SMC1B: variants seen among roughly 807,000 people sequenced by gnomAD.
SMC1B encodes structural maintenance of chromosomes protein 1B.
Under a neutral mutation model 157.9 loss-of-function variants are expected in SMC1B, and 60 were observed. The observed-to-expected ratio is 0.38, with a 90% CI of 0.31 to 0.47. The LOEUF is 0.47. Ranked by LOEUF, SMC1B falls within the 20% of genes least tolerant of loss-of-function variation. The pLI is 0.99. For missense variants in SMC1B, 1,165 were observed against 1,426.2 expected (o/e 0.82, Z 2.95); for synonymous variants, 445 against 483.0 (o/e 0.92, Z 1.03).
At chr22:45,396,875 GA>G (rs1433087325) in intron 6 of SMC1B, among the ~76,000 whole-genome samples, 1 of 152,004 alleles carries the variant, frequency 6.6e-6, no homozygotes, top group African/African-American at 2.4e-5. Context: ...GAGGAGACAT[GA>G]TCACTTAATT....
intron 12 of SMC1B, among the ~76,000 whole-genome samples, chr22:45,377,700 T>C (rs550831142): frequency 1.3e-4 from 20 of 152,202 alleles, no homozygotes; most frequent in African/African-American, 4.8e-4. Context: ...ATTTCTTTTA[T>C]TTTTGTTTAT....
At chr22:45,397,717 T>C (rs913657952) in intron 6 of SMC1B, among the ~76,000 whole-genome samples, 2 of 152,156 alleles carry the variant, frequency 1.3e-5, no homozygotes, top group Non-Finnish European at 2.9e-5. Flanking sequence ...TTTTTTTGCA[T>C]ACTCACAAAC....
intron 19 of SMC1B, among the ~76,000 whole-genome samples, chr22:45,357,132 CA>C (rs2086678051): frequency 6.6e-6 from 1 of 152,232 alleles, no homozygotes; most frequent in African/African-American, 2.4e-5. Context: ...CCTCTTGGTA[CA>C]ATGAATTGGG....
chr22:45,413,319 G>T, intron 1 of SMC1B, 140 bp downstream of exon 1: 1 of 635,726 alleles, frequency 1.6e-6, no homozygotes, highest in Non-Finnish European at 2.7e-6. Context: ...GCCGGGATCC[G>T]GTCGCGGTCA....
In SMC1B at chr22:45,413,522, G is replaced by A; in HGVS notation, c.46C>T (p.Arg16Trp). Reference sequence around the variant, plus strand: ...AAGGGGCCAATGACCTGGCGGCCCCGCCACGACTTGAAATTTTCCACAAGC... The same window carrying A: ...AAGGGGCCAATGACCTGGCGGCCCCACCACGACTTGAAATTTTCCACAAGC... The part of the protein sequence containing the change: ...LLLVENFKSW[R>W]GRQVIGPFRR... Residue 16 changes from arginine (R) to tryptophan (W), a missense_variant, in exon 1 of 25, where the codon CGG becomes TGG. Transcript: ENST00000357450. 6.2e-7 allele frequency: 1 copy of A among 1,612,148 alleles called. No individual in the cohort carries two copies. Among genetic ancestry groups the A allele is most frequent in the Non-Finnish European group, 8.5e-7 (1 of 1,179,152 alleles).
chr22:45,407,677 G>A (rs922855760), intron 2 of SMC1B, among the ~76,000 whole-genome samples: 6 of 152,066 alleles, frequency 3.9e-5, no homozygotes, highest in Admixed American at 6.6e-5. Flanking sequence ...TCAAACTCCC[G>A]AGTTCAAGCA....
chr22:45,360,167 C>A (rs2086707781), intron 17 of SMC1B, among the ~76,000 whole-genome samples: 1 of 152,174 alleles, frequency 6.6e-6, no homozygotes, highest in Non-Finnish European at 1.5e-5. Context: ...TCTAAGGGAG[C>A]ATTTTCCACT....
At chr22:45,399,380 A>G in intron 5 of SMC1B, 27 bp from the exon 6 acceptor site, 1 of 1,564,716 alleles carries the variant, frequency 6.4e-7, no homozygotes, top group South Asian at 1.2e-5. Context: ...GTTTGCTTTA[A>G]AGAAAATTTC....
At chr22:45,351,421 T>A (rs2086614136) in intron 22 of SMC1B, among the ~76,000 whole-genome samples, 1 of 152,250 alleles carries the variant, frequency 6.6e-6, no homozygotes, top group African/African-American at 2.4e-5. Context: ...TGGTTTTCTC[T>A]TTTCTTTTCC....
intron 12 of SMC1B, 137 bp downstream of exon 12, chr22:45,383,323 ATTTTTAT>A (rs1217138454): frequency 2.7e-5 from 15 of 554,310 alleles, no homozygotes; most frequent in Non-Finnish European, 3.7e-5. Context: ...TAAGGGAAAG[ATTTTTAT>A]TTTTTATTTT....
At position 45,376,173 on chromosome 22, in the gene SMC1B, C is replaced by A. The variant is rs550671390; in HGVS notation, c.2059-3881G>T. 2.6e-5 allele frequency among the ~76,000 whole-genome samples: 4 copies of A among 152,298 alleles called. No homozygotes were observed. In the South Asian group the frequency reaches 8.3e-4, roughly 32 times the overall value. On this transcript the variant is annotated intron_variant, in intron 12 of 24. Transcript: ENST00000357450. ...CATTGTGTGCAAGCAATCTCCAGAT[C>A]TCTTCATCTTCCAAAACTGAAACTC...
At chr22:45,367,382 C>T (rs1182468698) in intron 15 of SMC1B, among the ~76,000 whole-genome samples, 5 of 152,140 alleles carry the variant, frequency 3.3e-5, no homozygotes, top group African/African-American at 7.2e-5. Context: ...AACTTTGGAG[C>T]GTTGCCTATC....
chr22:45,344,757 T>A, intron 24 of SMC1B, 100 bp from the exon 25 acceptor site: 1 of 748,020 alleles, frequency 1.3e-6, no homozygotes, highest in Middle Eastern at 2.7e-4. Context: ...TCAAAAGGAA[T>A]CTTCTTCAAC....
Position 45,413,527 on chromosome 22 carries a change from G to A in SMC1B, c.41C>T (p.Ser14Leu), listed in dbSNP as rs370046682. 13 of 1,612,354 alleles carry A rather than the reference G, an allele frequency of 8.1e-6. No homozygotes were observed. The highest frequency in any genetic ancestry group is 2.7e-5 in the African/African-American group (2 of 74,902). The change falls in exon 1 of 25, where the codon TCG (serine) becomes TTG (leucine). Residue 14 changes from serine to leucine, a missense_variant. By Grantham distance (145) the Ser-to-Leu change is moderately radical. Transcript: ENST00000357450. The stretch of plus-strand genomic sequence containing the variant: ...GCCAATGACCTGGCGGCCCCGCCAC[G>A]ACTTGAAATTTTCCACAAGCAGCAG... ...LELLLVENFK[S>L]WRGRQVIGPF...
intron 1 of SMC1B, among the ~76,000 whole-genome samples, chr22:45,411,032 A>G (rs1284774993): frequency 6.6e-6 from 1 of 152,268 alleles, no homozygotes; most frequent in Non-Finnish European, 1.5e-5. Context: ...AACTTTTAAA[A>G]TCAATAAGTC....
intron 16 of SMC1B, among the ~76,000 whole-genome samples, chr22:45,362,421 C>T (rs536577388): frequency 1.3e-5 from 2 of 152,300 alleles, no homozygotes; most frequent in South Asian, 2.1e-4. Context: ...CAGATCCCAT[C>T]GCTGCTCCAC....
rs139476343 is a variant in SMC1B, at chr22:45,401,596, G to A, written c.854+737C>T. ...GCAAATGGCACATCTAGTCCTAAGC[G>A]GTTCTTCACGTGCTATGCAAATGGA... On this transcript the variant is annotated intron_variant, in intron 5 of 24. Transcript: ENST00000357450. Among the ~76,000 whole-genome samples, 212 of 152,338 alleles carry A rather than the reference G, an allele frequency of 1.4e-3. 2 individuals are homozygous for A. The highest frequency in any genetic ancestry group is 4.2e-3 in the African/African-American group (176 of 41,586).
At chr22:45,362,663 C>A (rs2086733083) in intron 16 of SMC1B, among the ~76,000 whole-genome samples, 2 of 152,200 alleles carry the variant, frequency 1.3e-5, no homozygotes, top group Admixed American at 1.3e-4. Flanking sequence ...CACCAATCAC[C>A]CCAGTTAGAA....
intron 15 of SMC1B, among the ~76,000 whole-genome samples, chr22:45,368,083 A>T (rs2086792841): frequency 6.6e-6 from 1 of 152,168 alleles, no homozygotes; most frequent in African/African-American, 2.4e-5. Context: ...GAGTATCTCT[A>T]ATTTCTGACA....
Sources: allele counts gnomAD v4.1 joint callset (sites outside exome capture counted in the v4.1 genomes callset), GRCh38; gene constraint gnomAD v4.1.1; transcripts MANE v1.5; gene names NCBI Gene and HGNC (gene_info 2026-07-23, HGNC 2026-07-21).